Variants in TRIM72 observed in about 807,000 individuals in gnomAD.
The protein encoded by TRIM72 is tripartite motif-containing protein 72.
Under a neutral mutation model 31.6 loss-of-function variants are expected in TRIM72, and 33 were observed. The ratio of observed to expected loss-of-function variants is 1.04; its 90% CI spans 0.79 to 1.40. TRIM72 has a LOEUF of 1.40. Ranked by LOEUF, TRIM72 falls within the 40% of genes most tolerant of loss-of-function variation. The pLI is 0.00. For missense variants in TRIM72, 666 were observed against 682.7 expected (o/e 0.98, Z 0.27); for synonymous variants, 301 against 314.4 (o/e 0.96, Z 0.45).
chr16:31,224,557 C>G lies in TRIM72; in HGVS notation c.1236C>G (p.Arg412=). 1 of 1,542,506 alleles carries G rather than the reference C, an allele frequency of 6.5e-7. No homozygotes were observed. The highest frequency in any genetic ancestry group is 1.4e-5 in the African/African-American group (1 of 73,456). Residue 412 remains arginine, a synonymous_variant, in exon 7 of 7, where the codon CGC becomes CGG. Transcript: ENST00000322122. The stretch of plus-strand genomic sequence containing the variant: ...GCAGCCCCGAGAGGCGGCCCACGCG[C>G]ATTGGCCTTTACCTGAGCTTCGGCG... ...ALRSPERRPT[R]IGLYLSFGDG...
Position 31,226,521 on chromosome 16 carries a change from C to T in TRIM72, c.*1766C>T, listed in dbSNP as rs1426732671. ...ACAACCCTCGACTTAACTTGCTTTG[C>T]CTCTGGGATATGTTTATCGAGCGTC... On this transcript the variant is annotated 3_prime_UTR_variant, in exon 7 of 7. Coordinates refer to ENST00000322122, the MANE Select transcript of TRIM72 (RefSeq NM_001008274.4). 2 of 152,164 alleles carry T rather than the reference C, an allele frequency of 1.3e-5. No individual in the cohort carries two copies. The highest frequency in any genetic ancestry group is 2.4e-5 in the African/African-American group (1 of 41,446). The allele number at this position is 152,164 out of a possible 1,614,324, so 9.4% of individuals were successfully genotyped here.
In TRIM72 at chr16:31,215,104, C is replaced by T; in HGVS notation, c.366C>T (p.Ala122=). 3 of 1,445,896 alleles carry T rather than the reference C, an allele frequency of 2.1e-6. No homozygotes were observed. Among genetic ancestry groups the T allele is most frequent in the Non-Finnish European group, 2.7e-6 (3 of 1,108,596 alleles). 89.6% of individuals were successfully genotyped at this position (1,445,896 alleles called of 1,614,324 possible). A position where few individuals can be genotyped will look rare whatever the true frequency, so the allele number is the denominator to read the frequency against. ...ACCGCGGTCATCGCCTCCTGCCTGC[C>T]GCCGAGGCCCACGCACGCCTCAAGG... ...GSHRGHRLLP[A]AEAHARLKTQ... The change falls in exon 2 of 7, where the codon GCC becomes GCT. Residue 122 remains alanine (A), a synonymous_variant. Coordinates refer to ENST00000322122, the MANE Select transcript of TRIM72 (RefSeq NM_001008274.4). The surrounding 1 kb of genome is among the most constrained non-coding windows in gnomAD (Gnocchi z 6.3).
In TRIM72 at chr16:31,219,223, G is replaced by A; in HGVS notation, c.486+33G>A. ...CTTCACAGGGCCATGTCTGAGGGCT[G>A]GGGGCCAGGCTAGGGGTCTCCAGCC... On this transcript the variant is annotated intron_variant, in intron 3 of 6. Coordinates refer to ENST00000322122, the MANE Select transcript of TRIM72 (RefSeq NM_001008274.4). This position sits in a 1 kb window ranked among gnomAD's most constrained non-coding sequence, Gnocchi z 4.2. The A allele has an allele frequency of 3.7e-6, 6 of 1,613,766 alleles. No homozygotes were observed. The highest frequency in any genetic ancestry group is 5.1e-6 in the Non-Finnish European group (6 of 1,179,728).
At chr16:31,214,654 C>T (rs929929586) in intron 1 of TRIM72, 78 bp from the exon 2 acceptor site, 17 of 1,366,274 alleles carry the variant, frequency 1.2e-5, no homozygotes, top group Middle Eastern at 2.7e-4. Flanking sequence ...CGGGCCCGGC[C>T]TGGGCTAGGG....
At chr16:31,217,916 AG>A (rs2079517699) in intron 2 of TRIM72, among the ~76,000 whole-genome samples, 2 of 152,270 alleles carry the variant, frequency 1.3e-5, no homozygotes, top group Admixed American at 1.3e-4. Context: ...CCCGGCCAGC[AG>A]GGGACATTTT....
chr16:31,222,482 C>CTT lies in TRIM72; in HGVS notation c.741-330_741-329dup, dbSNP rs3060409. On this transcript the variant is annotated intron_variant, in intron 5 of 6. Transcript: ENST00000322122. ...TGACAATTTTCAGCTTCTTCTTCTT[C>CTT]TTTTTTTTTTTTTTTTAGACAGGAT... Among the ~76,000 whole-genome samples, 18 of 117,978 alleles carry CTT rather than the reference C, an allele frequency of 1.5e-4. 6 individuals carry two copies. Among genetic ancestry groups the CTT allele is most frequent in the Non-Finnish European group, 2.2e-4 (13 of 60,064 alleles). The allele number at this position is 117,978 out of a possible 152,430, so 77.4% of individuals were successfully genotyped here.
At position 31,226,341 on chromosome 16, in the gene TRIM72, C is replaced by A. The variant is rs1409760314; in HGVS notation, c.*1586C>A. On this transcript the variant is annotated 3_prime_UTR_variant, in exon 7 of 7. Transcript: ENST00000322122. ...AGGGCTGGGTACTCATGCCTGTAAA[C>A]CCAACACTTTGGGAGTTTGAGGCAG... 6.6e-6 allele frequency: 1 copy of A among 152,148 alleles called. No homozygotes were observed. The highest frequency in any genetic ancestry group is 6.6e-5 in the Admixed American group (1 of 15,254). The allele number at this position is 152,148 out of a possible 1,614,324, so 9.4% of individuals were successfully genotyped here.
In TRIM72 at chr16:31,216,203, C is replaced by G. The variant is rs988974788; in HGVS notation, c.390+1075C>G. The G allele has an allele frequency of 6.6e-6, 1 of 152,560 alleles. No individual in the cohort carries two copies. The highest frequency in any genetic ancestry group is 2.4e-5 in the African/African-American group (1 of 41,390). The allele number at this position is 152,560 out of a possible 1,614,324, so 9.5% of individuals were successfully genotyped here. A position where few individuals can be genotyped will look rare whatever the true frequency, so the allele number is the denominator to read the frequency against. ...TCCTTTCGTTGGTATTCGAGGCCCC[C>G]AGACTTCCCAGGGACCCAGCCTCTC... On this transcript the variant is annotated intron_variant, in intron 2 of 6. Coordinates refer to ENST00000322122, the MANE Select transcript of TRIM72 (RefSeq NM_001008274.4). This position sits in a 1 kb window ranked among gnomAD's most constrained non-coding sequence, Gnocchi z 6.7.
chr16:31,215,186 G>A lies in TRIM72; in HGVS notation c.390+58G>A. The A allele has an allele frequency of 7.0e-7, 1 of 1,420,708 alleles. No individual in the cohort carries two copies. Among genetic ancestry groups the A allele is most frequent in the Non-Finnish European group, 9.1e-7 (1 of 1,095,804 alleles). 88.0% of individuals were successfully genotyped at this position (1,420,708 alleles called of 1,614,324 possible). ...GCTGTTCGGTGGCACGGGGCCGATG[G>A]GGAGGTCGCTGCAGTGATTTGGATT... On this transcript the variant is annotated intron_variant, in intron 2 of 6. Transcript: ENST00000322122. The surrounding 1 kb of genome is among the most constrained non-coding windows in gnomAD (Gnocchi z 6.3).
chr16:31,216,890 G>T lies in TRIM72; in HGVS notation c.390+1762G>T, dbSNP rs1236417624. The T allele has an allele frequency of 6.2e-7, 1 of 1,614,018 alleles. No individual in the cohort carries two copies. The highest frequency in any genetic ancestry group is 1.1e-5 in the South Asian group (1 of 91,090). ...TTGTCGGTGAGGTCCACGATATCTAGCTGCCCGAGCGCGCCCCGCGGGATG... is the reference window on the plus strand; with the variant it reads ...TTGTCGGTGAGGTCCACGATATCTATCTGCCCGAGCGCGCCCCGCGGGATG... On this transcript the variant is annotated intron_variant, in intron 2 of 6. Coordinates refer to ENST00000322122, the MANE Select transcript of TRIM72 (RefSeq NM_001008274.4). The surrounding 1 kb of genome is among the most constrained non-coding windows in gnomAD (Gnocchi z 6.7).
intron 5 of TRIM72, among the ~76,000 whole-genome samples, chr16:31,221,676 C>G: frequency 8.4e-6 from 1 of 119,524 alleles, no homozygotes; most frequent in East Asian, 2.7e-4. Context: ...AAGGGCATTG[C>G]TGGGAGAAGA....
Position 31,226,166 on chromosome 16 carries a change from G to C in TRIM72, c.*1411G>C, listed in dbSNP as rs1567496912. ...CTGGCCACAGGGGCTGACGCTGCGG[G>C]AAGCCCTGACCTAGTGCACAACCCA... On this transcript the variant is annotated 3_prime_UTR_variant, in exon 7 of 7. Transcript: ENST00000322122. 6.6e-6 allele frequency: 1 copy of C among 152,146 alleles called. No homozygotes were observed. The highest frequency in any genetic ancestry group is 1.5e-5 in the Non-Finnish European group (1 of 68,038). 9.4% of individuals were successfully genotyped at this position (152,146 alleles called of 1,614,324 possible).
At chr16:31,214,512 T>C (rs1161068001) in intron 1 of TRIM72, among the ~76,000 whole-genome samples, 1 of 152,038 alleles carries the variant, frequency 6.6e-6, no homozygotes, top group Non-Finnish European at 1.5e-5. Context: ...ATTTTTGGGG[T>C]TGGAGCTGAG....
rs755691030 is a variant in TRIM72 at position 31,224,220 on chromosome 16, C to G, written c.899C>G (p.Pro300Arg). 12 of 1,604,422 alleles carry G rather than the reference C, an allele frequency of 7.5e-6. No individual in the cohort carries two copies. The highest frequency in any genetic ancestry group is 1.7e-4 in the Middle Eastern group (1 of 6,060). ...ACCTTTGACCCGAGCTCTGCGCACC[C>G]GAGCCTGGTGGTGTCTTCCTCTGGC... is the stretch of plus-strand genomic sequence containing the variant. ...ELTFDPSSAH[P>R]SLVVSSSGRR... is the part of the protein sequence containing the mutation. Residue 300 changes from proline (P) to arginine (R), a missense_variant, in exon 7 of 7, where the codon CCG (proline) becomes CGG (arginine). Coordinates refer to ENST00000322122, the MANE Select transcript of TRIM72 (RefSeq NM_001008274.4).
In TRIM72 at chr16:31,219,342, G is replaced by T. The variant is rs772327332; in HGVS notation, c.540G>T (p.Arg180=). The part of the protein sequence containing the change: ...GAVGEQLGKM[R]VFLAALEGSL... ...TGGGGGAGCAGCTGGGCAAGATGCGGGTGTTCCTGGCTGCACTGGAGGGCT... is the reference window on the plus strand; with the variant it reads ...TGGGGGAGCAGCTGGGCAAGATGCGTGTGTTCCTGGCTGCACTGGAGGGCT... The change falls in exon 4 of 7, where the codon CGG becomes CGT. Residue 180 remains arginine, a synonymous_variant. Transcript: ENST00000322122. This position sits in a 1 kb window ranked among gnomAD's most constrained non-coding sequence, Gnocchi z 4.2. 139 of 1,614,056 alleles carry T rather than the reference G, an allele frequency of 8.6e-5. No homozygotes were observed. Among genetic ancestry groups the T allele is most frequent in the Non-Finnish European group, 1.1e-4 (132 of 1,180,036 alleles).
intron 2 of TRIM72, 152 bp from the exon 3 acceptor site, chr16:31,218,943 G>A (rs1172226850): frequency 1.0e-5 from 7 of 673,768 alleles, no homozygotes; most frequent in Non-Finnish European, 1.3e-5. Flanking sequence ...CACTGGCTGG[G>A]GCTGGGAGGC....
At position 31,224,595 on chromosome 16, in the gene TRIM72, C is replaced by T. The variant is rs372751574; in HGVS notation, c.1274C>T (p.Ser425Phe). The change falls in exon 7 of 7, where the codon TCC becomes TTC. Residue 425 changes from serine (S) to phenylalanine (F), a missense_variant. Coordinates refer to ENST00000322122, the MANE Select transcript of TRIM72 (RefSeq NM_001008274.4). ...CTGAGCTTCGGCGACGGCGTCCTCT[C>T]CTTCTACGATGCCAGCGACGCCGAC... is the stretch of plus-strand genomic sequence containing the variant. The part of the protein sequence containing the change: ...LYLSFGDGVL[S>F]FYDASDADAL... 1 of 1,556,132 alleles carries T rather than the reference C, an allele frequency of 6.4e-7. No homozygotes were observed.
At chr16:31,214,702 G>T (rs1462454977) in intron 1 of TRIM72, 30 bp from the exon 2 acceptor site, 18 of 1,514,414 alleles carry the variant, frequency 1.2e-5, no homozygotes, top group African/African-American at 2.9e-5. Flanking sequence ...GCGCCGCGGG[G>T]TCCCCCTAAC....
rs1226076265 is a variant in TRIM72 at position 31,215,388 on chromosome 16, T to C, written c.390+260T>C. ...ACGTAGGTTTCCCGGCCTTAGTCCCTAGAGGAAACTGGAGATGGGCGGGCG... is the reference window on the plus strand; with the variant it reads ...ACGTAGGTTTCCCGGCCTTAGTCCCCAGAGGAAACTGGAGATGGGCGGGCG... On this transcript the variant is annotated intron_variant, in intron 2 of 6. Coordinates refer to ENST00000322122, the MANE Select transcript of TRIM72 (RefSeq NM_001008274.4). The surrounding 1 kb of genome is among the most constrained non-coding windows in gnomAD (Gnocchi z 6.3). Among the ~76,000 whole-genome samples, 1 of 152,096 alleles carries C rather than the reference T, an allele frequency of 6.6e-6. No homozygotes were observed. The highest frequency in any genetic ancestry group is 1.5e-5 in the Non-Finnish European group (1 of 67,998).
Sources: gnomAD v4.1 joint callset for allele counts (sites outside exome capture counted in the v4.1 genomes callset) on GRCh38, gnomAD v4.1.1 for gene constraint, Gnocchi (gnomAD v3.1) non-coding constraint, MANE v1.5 for transcripts, NCBI Gene and HGNC (gene_info 2026-07-23, HGNC 2026-07-21) for gene names.